TMIGD3: variants seen among roughly 807,000 people sequenced by gnomAD.
TMIGD3 encodes AD026 protein (AD026).
A neutral mutation model predicts 28.1 loss-of-function variants in TMIGD3; 21 were observed. That is an observed-to-expected ratio of 0.75 (90% CI 0.53 to 1.08). The LOEUF (loss-of-function observed/expected upper bound fraction) is 1.08. Ranked by LOEUF, TMIGD3 falls within the 50% of genes least tolerant of loss-of-function variation. TMIGD3 has a pLI of 0.00. For synonymous variants in TMIGD3, 151 were observed against 162.1 expected (o/e 0.93, Z 0.52); for missense variants, 416 against 435.6 (o/e 0.96, Z 0.40).
intron 1 of TMIGD3, among the ~76,000 whole-genome samples, chr1:111,491,222 C>T (rs183227841): frequency 3.9e-5 from 6 of 152,362 alleles, no homozygotes; most frequent in East Asian, 1.9e-4. Flanking sequence ...AGTACGGCCA[C>T]GGGTGGCGCA....
rs1655121556 is a variant in TMIGD3 at position 111,500,525 on chromosome 1, A to G, written c.350+2480T>C. 1.9e-6 allele frequency: 3 copies of G among 1,614,226 alleles called. No individual in the cohort carries two copies. The South Asian group carries it at 3.3e-5, about 18-fold the overall frequency. On this transcript the variant is annotated intron_variant, in intron 1 of 5. Transcript: ENST00000369716. ...AGCCAGCAAAGGCCCAGGGCCAGCC[A>G]TATTCTTCTGTGAGTGGTGACCCTC...
At chr1:111,500,247 T>A (rs749192276) in intron 1 of TMIGD3, 1 of 1,614,150 alleles carries the variant, frequency 6.2e-7, no homozygotes, top group East Asian at 2.2e-5. Context: ...GTCCATAAAA[T>A]GCACCTGTCT....
chr1:111,525,926 A>AT (rs964765535), intron 1 of TMIGD3, among the ~76,000 whole-genome samples: 3 of 152,106 alleles, frequency 2.0e-5, no homozygotes, highest in South Asian at 2.1e-4. Context: ...TTGATTTTTA[A>AT]TTTTTTTATC....
At chr1:111,563,928 T>C (rs373492775) in exon 1 of TMIGD3, 89 of 1,613,786 alleles carry the variant, frequency 5.5e-5, no homozygotes, top group Non-Finnish European at 7.0e-5. Flanking sequence ...TTCTGCTCAA[T>C]GGGTCCTGCT....
intron 1 of TMIGD3, among the ~76,000 whole-genome samples, chr1:111,541,263 G>A (rs1488012700): frequency 6.6e-6 from 1 of 152,212 alleles, no homozygotes; most frequent in Admixed American, 6.5e-5. Context: ...ATATTTCAGT[G>A]AAAATACAAA....
intron 1 of TMIGD3, among the ~76,000 whole-genome samples, chr1:111,526,285 C>A (rs549782973): frequency 6.6e-6 from 1 of 152,024 alleles, no homozygotes; most frequent in African/African-American, 2.4e-5. Context: ...GTGGGAGGGA[C>A]CTAGTGGGAG....
upstream of TMIGD3, among the ~76,000 whole-genome samples, chr1:111,504,283 A>C (rs1417731951): frequency 6.6e-6 from 1 of 152,220 alleles, no homozygotes; most frequent in African/African-American, 2.4e-5. Context: ...TGTCCAACCT[A>C]TGTGAGGAAC....
chr1:111,562,592 A>G (rs990640434), intron 1 of TMIGD3, among the ~76,000 whole-genome samples: 9 of 152,240 alleles, frequency 5.9e-5, no homozygotes, highest in African/African-American at 2.2e-4. Context: ...CTTGTGTCCC[A>G]TAAACATCCC....
chr1:111,533,757 G>A (rs534670266), intron 1 of TMIGD3, among the ~76,000 whole-genome samples: 6 of 152,184 alleles, frequency 3.9e-5, no homozygotes, highest in South Asian at 4.1e-4. Context: ...GTTTCTCCAC[G>A]TTGCCCAGGC....
chr1:111,505,481 T>A (rs767501829), upstream of TMIGD3, among the ~76,000 whole-genome samples: 10 of 152,248 alleles, frequency 6.6e-5, no homozygotes, highest in Non-Finnish European at 1.3e-4. Flanking sequence ...CCTTCCTTCA[T>A]GTTCTCTGAA....
At position 111,551,778 on chromosome 1, in the gene TMIGD3, T is replaced by C. The variant is rs186770427; in HGVS notation, c.107+12068A>G. ...TTTGTTTTGTTTTGTTTTTTTGAGA[T>C]GGAGTCTTTACAGAGGGATTCTGCA... is the stretch of plus-strand genomic sequence containing the variant. On this transcript the variant is annotated intron_variant, in intron 1 of 5. Coordinates refer to the TMIGD3 transcript ENST00000369717. Among the ~76,000 whole-genome samples the C allele has an allele frequency of 3.1e-3, 399 of 129,282 alleles. 1 individual carries two copies. Among genetic ancestry groups the C allele is most frequent in the African/African-American group, 9.9e-3 (370 of 37,406 alleles). 84.8% of individuals were successfully genotyped at this position (129,282 alleles called of 152,430 possible).
intron 1 of TMIGD3, chr1:111,499,852 AG>A: frequency 6.5e-7 from 1 of 1,540,814 alleles, no homozygotes; most frequent in Non-Finnish European, 8.7e-7. Flanking sequence ...GAAGTAATCA[AG>A]GATGTAAAAA....
chr1:111,543,935 T>C (rs1656942069), intron 1 of TMIGD3, among the ~76,000 whole-genome samples: 1 of 152,204 alleles, frequency 6.6e-6, no homozygotes, highest in African/African-American at 2.4e-5. Flanking sequence ...AGGAGGTATT[T>C]CATACTCCCA....
At chr1:111,489,531 T>A (rs1451548490) in intron 2 of TMIGD3, 1 of 1,009,006 alleles carries the variant, frequency 9.9e-7, no homozygotes, top group Non-Finnish European at 1.2e-6. Context: ...GTTTTGTTGC[T>A]GTTGTTGTTA....
intron 1 of TMIGD3, among the ~76,000 whole-genome samples, chr1:111,511,396 C>A (rs1281037500): frequency 6.6e-6 from 1 of 152,198 alleles, no homozygotes; most frequent in Non-Finnish European, 1.5e-5. Flanking sequence ...TCTTCTCCTT[C>A]CCTGTAAGAA....
Position 111,500,383 on chromosome 1 carries a change from TC to T in TMIGD3, c.350+2621del, listed in dbSNP as rs777971134. On this transcript the variant is annotated intron_variant, in intron 1 of 5. Transcript: ENST00000369716. The stretch of plus-strand genomic sequence containing the variant: ...GAGGAAGCTGAAGTATACCATGTAG[TC>T]CATTCTCATGACGGAAACAAATTGG... The T allele has an allele frequency of 4.3e-6, 7 of 1,614,136 alleles. No homozygotes were observed. In the East Asian group the frequency reaches 1.3e-4, roughly 31 times the overall value.
At chr1:111,563,101 C>A (rs1034336091) in intron 1 of TMIGD3, among the ~76,000 whole-genome samples, 1 of 152,068 alleles carries the variant, frequency 6.6e-6, no homozygotes, top group African/African-American at 2.4e-5. Flanking sequence ...AGTAAGTAAG[C>A]AAAACTAACT....
At chr1:111,512,388 A>C (rs1427916108) in intron 1 of TMIGD3, among the ~76,000 whole-genome samples, 2 of 152,378 alleles carry the variant, frequency 1.3e-5, no homozygotes, top group East Asian at 3.9e-4. Flanking sequence ...GCTCCAGAGG[A>C]GAAATCACTG....
upstream of TMIGD3, chr1:111,504,026 A>G: frequency 1.0e-6 from 1 of 985,456 alleles, no homozygotes; most frequent in Non-Finnish European, 1.2e-6. Context: ...CTTTGGTGGC[A>G]GCCTCCTAAC....
Sources: gnomAD v4.1 joint callset for allele counts (sites outside exome capture counted in the v4.1 genomes callset) on GRCh38, gnomAD v4.1.1 for gene constraint, MANE v1.5 for transcripts, NCBI Gene and HGNC (gene_info 2026-07-23, HGNC 2026-07-21) for gene names.